The following ATAD1 variants were observed in gnomAD, a reference collection of about 807,000 sequenced individuals.
ATAD1 encodes the protein outer mitochondrial transmembrane helix translocase.
A neutral mutation model predicts 42.7 loss-of-function variants in ATAD1; 18 were observed. That is an observed-to-expected ratio of 0.42 (90% CI 0.29 to 0.63). The LOEUF is 0.63. Among genes scored for constraint, ATAD1 ranks in the 20% least tolerant of loss-of-function variants. The pLI is 0.19. For synonymous variants in ATAD1, 132 were observed against 143.1 expected (o/e 0.92, Z 0.55); for missense variants, 294 against 440.4 (o/e 0.67, Z 2.98).
intron 2 of ATAD1, among the ~76,000 whole-genome samples, chr10:87,803,715 C>CA (rs1856803705): frequency 6.6e-6 from 1 of 152,242 alleles, no homozygotes; most frequent in South Asian, 2.1e-4. Flanking sequence ...GAGGCTGTGT[C>CA]ATGGGTGCAT....
intron 1 of ATAD1, among the ~76,000 whole-genome samples, chr10:87,830,197 A>G (rs1444877280): frequency 6.6e-6 from 1 of 152,232 alleles, no homozygotes; most frequent in Non-Finnish European, 1.5e-5. Context: ...AAATAGCAGT[A>G]TAGTAAGGGC....
At chr10:87,774,227 C>T (rs571488631) in intron 6 of ATAD1, among the ~76,000 whole-genome samples, 1 of 152,318 alleles carries the variant, frequency 6.6e-6, no homozygotes, top group African/African-American at 2.4e-5. Flanking sequence ...AATTAATCTA[C>T]AATTTTGCAA....
chr10:87,776,594 G>C (rs1256178675), intron 5 of ATAD1, among the ~76,000 whole-genome samples, 167 bp from the exon 6 acceptor site: 3 of 151,882 alleles, frequency 2.0e-5, no homozygotes, highest in African/African-American at 7.3e-5. Flanking sequence ...TCAGCCTCTC[G>C]AGTAGCTAGG....
chr10:87,839,061 T>A (rs1857982425), intron 1 of ATAD1, among the ~76,000 whole-genome samples: 1 of 152,244 alleles, frequency 6.6e-6, no homozygotes, highest in African/African-American at 2.4e-5. Flanking sequence ...CTGCAAGATT[T>A]ATAACAAATT....
chr10:87,800,495 T>C (rs1856638210), intron 2 of ATAD1, among the ~76,000 whole-genome samples: 1 of 152,176 alleles, frequency 6.6e-6, no homozygotes, highest in South Asian at 2.1e-4. Context: ...ATTCTGGCAG[T>C]GCAGGTCTTT....
intron 1 of ATAD1, among the ~76,000 whole-genome samples, chr10:87,829,234 A>ATTTATTTAT (rs33913276): frequency 1.6e-4 from 23 of 142,928 alleles, no homozygotes; most frequent in African/African-American, 5.9e-4. Context: ...TATTTTATTT[A>ATTTATTTAT]TTATTTATTT....
chr10:87,817,186 A>G (rs2132077722), intron 1 of ATAD1, among the ~76,000 whole-genome samples: 1 of 152,374 alleles, frequency 6.6e-6, no homozygotes, highest in South Asian at 2.1e-4. Context: ...ACTTTATTGT[A>G]CACTCATGTA....
intron 2 of ATAD1, among the ~76,000 whole-genome samples, 167 bp downstream of exon 2, chr10:87,814,271 T>C (rs1188751652): frequency 6.6e-6 from 1 of 152,130 alleles, no homozygotes; most frequent in Non-Finnish European, 1.5e-5. Flanking sequence ...AATAATGTCA[T>C]AATAAACTAG....
At chr10:87,794,504 G>C (rs1402804673) in intron 2 of ATAD1, among the ~76,000 whole-genome samples, 1 of 152,182 alleles carries the variant, frequency 6.6e-6, no homozygotes, top group Non-Finnish European at 1.5e-5. Flanking sequence ...CGAAGACAGT[G>C]GTTTTCCCAG....
chr10:87,805,399 T>C (rs1226271411), intron 2 of ATAD1, among the ~76,000 whole-genome samples: 1 of 152,160 alleles, frequency 6.6e-6, no homozygotes, highest in Non-Finnish European at 1.5e-5. Context: ...CAATGCCAAT[T>C]TAACACTACC....
chr10:87,754,568 A>G lies in ATAD1; in HGVS notation c.*119T>C, dbSNP rs1226492505. 8.2e-7 allele frequency: 1 copy of G among 1,217,910 alleles called. No individual in the cohort carries two copies. Among genetic ancestry groups the G allele is most frequent in the African/African-American group, 1.5e-5 (1 of 66,154 alleles). 75.4% of individuals were successfully genotyped at this position (1,217,910 alleles called of 1,614,324 possible). A position where few individuals can be genotyped will look rare whatever the true frequency, so the allele number is the denominator to read the frequency against. On this transcript the variant is annotated 3_prime_UTR_variant, in exon 10 of 10. Transcript: ENST00000680024. Reference sequence around the variant, plus strand: ...CTCAATAACTTAGAATTCAGAGTATAAAACCATAAACACTGAGCTCCCTCA... The same window carrying G: ...CTCAATAACTTAGAATTCAGAGTATGAAACCATAAACACTGAGCTCCCTCA...
chr10:87,818,200 A>G lies in ATAD1; in HGVS notation c.-47T>C. ...AGAAACAGCAAGAGCAAGTGCCCTCAGCCGGCCTCACACAGGAAGGAAACG... is the reference window on the plus strand; with the variant it reads ...AGAAACAGCAAGAGCAAGTGCCCTCGGCCGGCCTCACACAGGAAGGAAACG... On this transcript the variant is annotated 5_prime_UTR_variant, in exon 1 of 10. Coordinates refer to ENST00000680024, the MANE Select transcript of ATAD1 (RefSeq NM_001321967.2). 1.0e-6 allele frequency: 1 copy of G among 985,672 alleles called. No individual in the cohort carries two copies. 61.1% of individuals were successfully genotyped at this position (985,672 alleles called of 1,614,324 possible). A position where few individuals can be genotyped will look rare whatever the true frequency, so the allele number is the denominator to read the frequency against.
chr10:87,767,573 G>A, intron 8 of ATAD1, 100 bp downstream of exon 8: 4 of 1,098,960 alleles, frequency 3.6e-6, no homozygotes, highest in Non-Finnish European at 5.5e-6. Context: ...GGAGATCCTT[G>A]GGGTATATCA....
chr10:87,797,428 C>T (rs1163487885), intron 2 of ATAD1, among the ~76,000 whole-genome samples: 2 of 152,060 alleles, frequency 1.3e-5, no homozygotes, highest in Non-Finnish European at 2.9e-5. Context: ...CCCTATACCT[C>T]CTTCCCCCTT....
At chr10:87,761,943 T>A (rs1226569345) in intron 8 of ATAD1, among the ~76,000 whole-genome samples, 1 of 152,044 alleles carries the variant, frequency 6.6e-6, no homozygotes, top group South Asian at 2.1e-4. Flanking sequence ...TGAGGTCTCA[T>A]CATGTTGCCC....
At chr10:87,768,564 T>C (rs1854875736) in intron 7 of ATAD1, among the ~76,000 whole-genome samples, 1 of 152,214 alleles carries the variant, frequency 6.6e-6, no homozygotes, top group Non-Finnish European at 1.5e-5. Flanking sequence ...CTTTACATCA[T>C]ATTACATAAG....
At chr10:87,783,702 T>C (rs550348559) in intron 5 of ATAD1, among the ~76,000 whole-genome samples, 1 of 151,874 alleles carries the variant, frequency 6.6e-6, no homozygotes, top group South Asian at 2.1e-4. Flanking sequence ...TATTGATCCA[T>C]AATATAGCAA....
At chr10:87,785,159 G>C (rs575161040) in intron 4 of ATAD1, among the ~76,000 whole-genome samples, 1 of 152,232 alleles carries the variant, frequency 6.6e-6, no homozygotes, top group Non-Finnish European at 1.5e-5. Context: ...AAAAGAAACA[G>C]AAATTATCAG....
At chr10:87,763,932 G>A (rs1177076672) in intron 8 of ATAD1, among the ~76,000 whole-genome samples, 1 of 151,980 alleles carries the variant, frequency 6.6e-6, no homozygotes, top group Non-Finnish European at 1.5e-5. Flanking sequence ...TCCTATGTAA[G>A]ACAAATTGAT....
Sources: allele counts gnomAD v4.1 joint callset (sites outside exome capture counted in the v4.1 genomes callset), GRCh38; gene constraint gnomAD v4.1.1; transcripts MANE v1.5; gene names NCBI Gene and HGNC (gene_info 2026-07-23, HGNC 2026-07-21).